Variants in ZBBX observed in about 807,000 individuals in gnomAD.
The protein encoded by ZBBX is zinc finger B-box domain-containing protein 1.
A neutral mutation model predicts 108.5 loss-of-function variants in ZBBX; 101 were observed. The observed-to-expected ratio is 0.93, with a 90% CI of 0.79 to 1.10. The LOEUF (loss-of-function observed/expected upper bound fraction) is 1.10. Ranked by LOEUF, ZBBX falls within the 50% of genes least tolerant of loss-of-function variation. ZBBX has a pLI of 0.00. For missense variants in ZBBX, 1,009 were observed against 941.4 expected (o/e 1.07, Z -0.94); for synonymous variants, 356 against 323.4 (o/e 1.10, Z -1.08).
chr3:167,288,960 G>A lies in ZBBX; in HGVS notation c.1903C>T (p.His635Tyr). The A allele has an allele frequency of 6.5e-7, 1 of 1,535,820 alleles. No individual in the cohort carries two copies. The highest frequency in any genetic ancestry group is 8.8e-7 in the Non-Finnish European group (1 of 1,137,680). The change falls in exon 19 of 22, where the codon CAT becomes TAT. Residue 635 changes from histidine to tyrosine, a missense_variant. Physicochemically the swap from His to Tyr is moderately conservative, Grantham distance 83. Transcript: ENST00000675490. ...TTATCAGCATATTCACTTAAGCTATGGTCTGGAATCCATTCTCTGTCTTCT... is the reference window on the plus strand; with the variant it reads ...TTATCAGCATATTCACTTAAGCTATAGTCTGGAATCCATTCTCTGTCTTCT... ...LAEDREWIPDHSLSEYADNAI... is the reference protein window; with the variant it reads ...LAEDREWIPDYSLSEYADNAI...
At chr3:167,280,077 C>T (rs1183856010) in intron 20 of ZBBX, among the ~76,000 whole-genome samples, 2 of 152,022 alleles carry the variant, frequency 1.3e-5, no homozygotes, top group Non-Finnish European at 2.9e-5. Context: ...CCCTTCCTTA[C>T]ACCTTATACA....
chr3:167,380,449 G>A (rs1747624906), upstream of ZBBX: 1 of 152,170 alleles, frequency 6.6e-6, no homozygotes, highest in Admixed American at 6.5e-5. Context: ...GGAAAAGGGC[G>A]GAAAAACTCA....
At chr3:167,360,559 G>A in intron 7 of ZBBX, 116 bp downstream of exon 7, 1 of 514,970 alleles carries the variant, frequency 1.9e-6, no homozygotes, top group South Asian at 8.7e-5. Context: ...CATGATTTGG[G>A]GGTTTAGAAT....
In ZBBX at chr3:167,348,358, A is replaced by AAGAAAGAAAG. The variant is rs1553832922; in HGVS notation, c.528+2052_528+2061dup. On this transcript the variant is annotated intron_variant, in intron 9 of 21. Coordinates refer to ENST00000675490, the MANE Select transcript of ZBBX (RefSeq NM_001199201.2). ...AAAGAAAGAAAGAAAGAAAGAAAGA[A>AAGAAAGAAAG]AGAAAGAAAGAAAAAAAAGAAAAGA... Among the ~76,000 whole-genome samples the AAGAAAGAAAG allele has an allele frequency of 1.5e-3, 217 of 144,308 alleles. 7 individuals carry two copies. Among genetic ancestry groups the AAGAAAGAAAG allele is most frequent in the Admixed American group, 7.3e-3 (105 of 14,454 alleles). 94.7% of individuals were successfully genotyped at this position (144,308 alleles called of 152,430 possible).
chr3:167,245,518 T>G (rs187818205), intron 20 of ZBBX, among the ~76,000 whole-genome samples: 1 of 152,258 alleles, frequency 6.6e-6, no homozygotes, highest in East Asian at 1.9e-4. Context: ...AGTGGTGATA[T>G]GGTTTGGATT....
the ZBBX span, among the ~76,000 whole-genome samples, chr3:167,208,771 CT>C: frequency 1.3e-5 from 2 of 152,148 alleles, no homozygotes; most frequent in African/African-American, 4.8e-5. Flanking sequence ...CTCCTTCTGC[CT>C]GGTAAAAGGA....
chr3:167,242,763 T>C (rs767623562), intron 20 of ZBBX, 120 bp from the exon 21 acceptor site: 100 of 878,788 alleles, frequency 1.1e-4, no homozygotes, highest in Non-Finnish European at 1.6e-4. Context: ...TCAGCATAGA[T>C]TTTTAATTAT....
At chr3:167,260,155 A>G (rs1724226174) in intron 20 of ZBBX, among the ~76,000 whole-genome samples, 1 of 152,180 alleles carries the variant, frequency 6.6e-6, no homozygotes, top group African/African-American at 2.4e-5. Flanking sequence ...GGCTGAAGAT[A>G]GGGCCCCAAT....
chr3:167,297,287 G>A (rs1436287098), intron 18 of ZBBX, among the ~76,000 whole-genome samples: 1 of 151,804 alleles, frequency 6.6e-6, no homozygotes, highest in African/African-American at 2.4e-5. Context: ...ACCATTCAAT[G>A]GGGGAAAGAA....
the ZBBX span, among the ~76,000 whole-genome samples, chr3:167,220,518 T>A: frequency 6.6e-6 from 1 of 152,014 alleles, no homozygotes; most frequent in Admixed American, 6.6e-5. Flanking sequence ...TGAAAAAGCA[T>A]TGGATAAAAT....
In ZBBX at chr3:167,286,460, T is replaced by G. The variant is rs145137677; in HGVS notation, c.1996+2407A>C. ...TAAACTATAAATATCAATACTGTTA[T>G]GAGTAAAAACAATTCACTCACTGAC... On this transcript the variant is annotated intron_variant, in intron 19 of 21. Coordinates refer to ENST00000675490, the MANE Select transcript of ZBBX (RefSeq NM_001199201.2). Among the ~76,000 whole-genome samples the G allele has an allele frequency of 2.9e-3, 436 of 152,268 alleles. 3 individuals carry two copies. Among genetic ancestry groups the G allele is most frequent in the Middle Eastern group, 0.01 (3 of 294 alleles).
chr3:167,352,035 G>A (rs1255692244), intron 8 of ZBBX, among the ~76,000 whole-genome samples: 2 of 151,756 alleles, frequency 1.3e-5, no homozygotes, highest in Admixed American at 1.3e-4. Flanking sequence ...TAAGGGGGAG[G>A]TATATAGCAT....
chr3:167,249,909 A>G (rs556038525), intron 20 of ZBBX, among the ~76,000 whole-genome samples: 1 of 152,308 alleles, frequency 6.6e-6, no homozygotes, highest in African/African-American at 2.4e-5. Context: ...CTGGAAAAGA[A>G]GACACTTTCA....
At chr3:167,349,615 A>G (rs1742292885) in intron 9 of ZBBX, among the ~76,000 whole-genome samples, 1 of 152,048 alleles carries the variant, frequency 6.6e-6, no homozygotes, top group African/African-American at 2.4e-5. Context: ...AATCTTTCTA[A>G]ACACAGATCT....
chr3:167,287,568 T>C (rs1396622209), intron 19 of ZBBX, among the ~76,000 whole-genome samples: 1 of 152,142 alleles, frequency 6.6e-6, no homozygotes, highest in Non-Finnish European at 1.5e-5. Flanking sequence ...ACAAATGTTT[T>C]TTATAGCAAA....
At chr3:167,236,707 A>T (rs1419512634), downstream of ZBBX, among the ~76,000 whole-genome samples, 1 of 151,676 alleles carries the variant, frequency 6.6e-6, no homozygotes, top group Non-Finnish European at 1.5e-5. Flanking sequence ...TCATTCCCCT[A>T]CTAATGACAT....
chr3:167,286,198 T>C (rs1729659254), intron 19 of ZBBX, among the ~76,000 whole-genome samples: 1 of 152,090 alleles, frequency 6.6e-6, no homozygotes, highest in Non-Finnish European at 1.5e-5. Flanking sequence ...GATCTAATTC[T>C]AAGGCTAAGA....
At position 167,314,116 on chromosome 3, in the gene ZBBX, A is replaced by T. The variant is rs1276372457; in HGVS notation, c.1275T>A (p.Ser425Arg). The T allele has an allele frequency of 1.3e-6, 2 of 1,580,134 alleles. No homozygotes were observed. Among genetic ancestry groups the T allele is most frequent in the East Asian group, 2.3e-5 (1 of 43,884 alleles). The stretch of plus-strand genomic sequence containing the variant: ...TCTTCTGACAATCATGAAAAGCACA[A>T]CTTTCACATGTAGGAACAAACAAAA... ...VKLADADSQR[S>R]CAFHDCQKNS... The change falls in exon 16 of 22, where the codon AGT (serine) becomes AGA (arginine). Residue 425 changes from serine to arginine, a missense_variant and splice_region_variant. Physicochemically the swap from Ser to Arg is moderately radical, Grantham distance 110 (BLOSUM62 -1). Coordinates refer to ENST00000675490, the MANE Select transcript of ZBBX (RefSeq NM_001199201.2).
chr3:167,403,286 A>G (rs12637129), intron 1 of ZBBX, among the ~76,000 whole-genome samples: 1 of 152,164 alleles, frequency 6.6e-6, no homozygotes. Flanking sequence ...CAACTAAAAA[A>G]CGATTATCAA....
Sources: gnomAD v4.1 joint callset for allele counts (sites outside exome capture counted in the v4.1 genomes callset) on GRCh38, gnomAD v4.1.1 for gene constraint, MANE v1.5 for transcripts, NCBI Gene and HGNC (gene_info 2026-07-23, HGNC 2026-07-21) for gene names.